XPA: variants seen among roughly 807,000 people sequenced by gnomAD.
The protein encoded by XPA is DNA repair protein complementing XP-A cells.
A neutral mutation model predicts 35.7 loss-of-function variants in XPA; 27 were observed. That is an observed-to-expected ratio of 0.76 (90% CI 0.56 to 1.04). The LOEUF (loss-of-function observed/expected upper bound fraction) is 1.04, where lower values mean the gene tolerates loss of function less well. Ranked by LOEUF, XPA falls within the 50% of genes least tolerant of loss-of-function variation. The probability of loss-of-function intolerance (pLI) is 0.00; values close to 1 mark genes in which losing one functional copy is unlikely to be tolerated. For missense variants in XPA, 354 were observed against 342.7 expected, an observed-to-expected ratio of 1.03 and a Z score of -0.26; for synonymous variants, 133 against 118.4, an observed-to-expected ratio of 1.12 and a Z score of -0.80.
intron 5 of XPA, among the ~76,000 whole-genome samples, chr9:97,679,126 A>G (rs1015352522): frequency 1.3e-5 from 2 of 152,208 alleles, no homozygotes; most frequent in African/African-American, 4.8e-5. Context: ...TCAATGTTAA[A>G]TTTACTCAAG....
the XPA span, chr9:97,664,545 T>A: frequency 4.2e-6 from 3 of 714,228 alleles, no homozygotes; most frequent in African/African-American, 1.8e-5. Flanking sequence ...AGGTTGATAT[T>A]AATATACTAA....
chr9:97,681,309 T>G (rs1828530301), intron 5 of XPA, among the ~76,000 whole-genome samples: 1 of 152,108 alleles, frequency 6.6e-6, no homozygotes, highest in Non-Finnish European at 1.5e-5. Context: ...GAAAAAAAAT[T>G]ACAAGGAAAA....
At chr9:97,684,151 G>A (rs147784724) in intron 5 of XPA, among the ~76,000 whole-genome samples, 7 of 152,246 alleles carry the variant, frequency 4.6e-5, no homozygotes, top group South Asian at 4.1e-4. Flanking sequence ...ACACTTGCAC[G>A]ATTTTAAGTT....
At chr9:97,665,727 CAG>C in the XPA span, among the ~76,000 whole-genome samples, 2 of 152,188 alleles carry the variant, frequency 1.3e-5, no homozygotes, top group Admixed American at 1.3e-4. Context: ...TGAACAACAA[CAG>C]GGGTTAGAGA....
chr9:97,674,424 G>GA (rs527449352), downstream of XPA, among the ~76,000 whole-genome samples: 94 of 150,328 alleles, frequency 6.3e-4, no homozygotes, highest in Non-Finnish European at 1.0e-3. Context: ...CTCCATTAAA[G>GA]AAAAAAAAAT....
At chr9:97,660,009 A>G in the XPA span, among the ~76,000 whole-genome samples, 2 of 152,302 alleles carry the variant, frequency 1.3e-5, no homozygotes, top group South Asian at 4.1e-4. Context: ...TCTAGATTCT[A>G]GCCCAAGCTC....
At chr9:97,668,715 T>G in the XPA span, 3 of 906,230 alleles carry the variant, frequency 3.3e-6, no homozygotes, top group Non-Finnish European at 4.7e-6. Flanking sequence ...GGTGGCGGGG[T>G]GGGGGGGTAC....
intron 1 of XPA, among the ~76,000 whole-genome samples, chr9:97,695,148 G>T (rs3176644): frequency 0.12 from 17,981 of 152,212 alleles, 3,019 homozygotes; most frequent in African/African-American, 0.37. Context: ...TCTTGATCAC[G>T]ATGGTGTTTA....
the XPA span, chr9:97,669,548 A>G: frequency 2.1e-5 from 29 of 1,369,168 alleles, 1 homozygote; most frequent in South Asian, 3.1e-4. Flanking sequence ...TCCAAAGTAT[A>G]AGATTCTGTC....
chr9:97,670,766 G>C (rs752674551), downstream of XPA, among the ~76,000 whole-genome samples: 1 of 152,128 alleles, frequency 6.6e-6, no homozygotes, highest in Non-Finnish European at 1.5e-5. Context: ...ACTGGGGAGA[G>C]AGCTAGCTGA....
At position 97,677,752 on chromosome 9, in the gene XPA, CTTT is replaced by C. The variant is rs58412433; in HGVS notation, c.674-2168_674-2166del. Among the ~76,000 whole-genome samples, 3 of 147,860 alleles carry C rather than the reference CTTT, an allele frequency of 2.0e-5. No homozygotes were observed. In the South Asian group the frequency reaches 6.4e-4, roughly 32 times the overall value. ...TAAAAATGGATAGGTTTGGGTTTTT[CTTT>C]TTTTTTTACCCTTCTTTCCCTTTCT... On this transcript the variant is annotated intron_variant, in intron 5 of 5. Transcript: ENST00000375128.
chr9:97,674,139 CG>C (rs992762475), downstream of XPA, among the ~76,000 whole-genome samples: 106 of 151,324 alleles, frequency 7.0e-4, no homozygotes, highest in African/African-American at 2.2e-3. Context: ...GCTCCTTCCC[CG>C]CCCCCATAAT....
the XPA span, chr9:97,666,908 A>G: frequency 7.1e-7 from 1 of 1,408,822 alleles, no homozygotes; most frequent in Non-Finnish European, 9.8e-7. Flanking sequence ...TAAGTAGTTA[A>G]AGAAAATATA....
In XPA at chr9:97,675,416, A is replaced by G. The variant is rs1248103783; in HGVS notation, c.*23T>C. ...CTTTATTTAAATATAAAATTCTATAAAACAGGTCACTGAACTAAAAAATCA... is the reference window on the plus strand; with the variant it reads ...CTTTATTTAAATATAAAATTCTATAGAACAGGTCACTGAACTAAAAAATCA... On this transcript the variant is annotated 3_prime_UTR_variant, in exon 6 of 6. Transcript: ENST00000375128. The G allele has an allele frequency of 1.3e-5, 21 of 1,608,942 alleles. No homozygotes were observed. The highest frequency in any genetic ancestry group is 1.7e-5 in the Non-Finnish European group (20 of 1,178,146).
At chr9:97,655,118 G>T in the XPA span, among the ~76,000 whole-genome samples, 1 of 152,084 alleles carries the variant, frequency 6.6e-6, no homozygotes, top group South Asian at 2.1e-4. Context: ...TACGTTTTTT[G>T]ATGTCCATGC....
At chr9:97,686,112 A>C (rs1220203655) in intron 4 of XPA, among the ~76,000 whole-genome samples, 3 of 152,238 alleles carry the variant, frequency 2.0e-5, no homozygotes, top group South Asian at 2.1e-4. Context: ...AATTCAGTAC[A>C]CGTTTTGTTT....
At chr9:97,689,319 A>G (rs1031208449) in intron 3 of XPA, among the ~76,000 whole-genome samples, 2 of 152,208 alleles carry the variant, frequency 1.3e-5, no homozygotes, top group Non-Finnish European at 2.9e-5. Flanking sequence ...TGGCAGAACC[A>G]TCGGCATCCT....
intron 1 of XPA, among the ~76,000 whole-genome samples, chr9:97,695,083 A>G (rs1445418399): frequency 6.6e-6 from 1 of 152,236 alleles, no homozygotes; most frequent in Admixed American, 6.5e-5. Context: ...TAGAGAGTGG[A>G]CACCGACTAG....
chr9:97,676,552 G>C (rs948172407), intron 5 of XPA, among the ~76,000 whole-genome samples: 1 of 152,032 alleles, frequency 6.6e-6, no homozygotes, highest in South Asian at 2.1e-4. Context: ...TATTTTCCCT[G>C]ATCCATTTTA....
Sources: allele counts gnomAD v4.1 joint callset (sites outside exome capture counted in the v4.1 genomes callset), GRCh38; gene constraint gnomAD v4.1.1; transcripts MANE v1.5; gene names NCBI Gene and HGNC (gene_info 2026-07-23, HGNC 2026-07-21).